MAF: variants seen among roughly 807,000 people sequenced by gnomAD.
The protein encoded by MAF is MAF bZIP transcription factor.
A neutral mutation model predicts 22.0 loss-of-function variants in MAF; 10 were observed. That is an observed-to-expected ratio of 0.45 (90% CI 0.28 to 0.77). The LOEUF is 0.77. MAF is among the 30% of genes least tolerant of loss of function. The pLI is 0.12. For missense variants in MAF, 544 were observed against 548.4 expected (o/e 0.99, Z 0.08); for synonymous variants, 337 against 255.8 (o/e 1.32, Z -3.03).
the MAF span, among the ~76,000 whole-genome samples, chr16:79,284,840 G>A: frequency 6.6e-6 from 1 of 152,172 alleles, no homozygotes; most frequent in East Asian, 1.9e-4. Context: ...TCATCTCTCA[G>A]TCACCTGGAC....
chr16:79,558,097 A>C, the MAF span, among the ~76,000 whole-genome samples: 5 of 152,134 alleles, frequency 3.3e-5, no homozygotes, highest in South Asian at 1.0e-3. Context: ...GCAAACCAAC[A>C]GGAGACCATC....
chr16:79,600,397 G>T lies in MAF; in HGVS notation c.-495C>A, dbSNP rs1913962245. 1.0e-5 allele frequency: 2 copies of T among 197,316 alleles called. No homozygotes were observed. Among genetic ancestry groups the T allele is most frequent in the East Asian group, 1.9e-4 (2 of 10,706 alleles). 12.2% of individuals were successfully genotyped at this position (197,316 alleles called of 1,614,324 possible). On this transcript the variant is annotated 5_prime_UTR_variant, in exon 1 of 2. Transcript: ENST00000326043. ...CCGCTCGGGGCTGGAGGCGCGGCGG[G>T]CGTCTGTCCGGGCGGCGCGGGCCTT...
At chr16:79,226,320 G>A in the MAF span, among the ~76,000 whole-genome samples, 2 of 152,114 alleles carry the variant, frequency 1.3e-5, no homozygotes, top group Non-Finnish European at 2.9e-5. Context: ...ATAAGTGGGA[G>A]TTGAACATTG....
chr16:79,418,108 A>T, the MAF span, among the ~76,000 whole-genome samples: 7 of 152,292 alleles, frequency 4.6e-5, no homozygotes, highest in Non-Finnish European at 8.8e-5. Context: ...TGAGGAAGAA[A>T]ACAGGGACCT....
chr16:79,544,772 C>CAA, the MAF span, among the ~76,000 whole-genome samples: 22,097 of 113,358 alleles, frequency 0.19, 2,391 homozygotes, highest in East Asian at 0.44. Flanking sequence ...GGCTCTGTCT[C>CAA]AAAAAAAAAA....
At chr16:79,401,589 A>T in the MAF span, among the ~76,000 whole-genome samples, 1 of 152,182 alleles carries the variant, frequency 6.6e-6, no homozygotes, top group Non-Finnish European at 1.5e-5. Flanking sequence ...ATTAGTGGAA[A>T]TGTACTCATG....
At chr16:79,568,249 G>C in the MAF span, among the ~76,000 whole-genome samples, 1 of 152,218 alleles carries the variant, frequency 6.6e-6, no homozygotes, top group Admixed American at 6.5e-5. Context: ...GTCTGGCAGG[G>C]ATGGGTGTCT....
the MAF span, among the ~76,000 whole-genome samples, chr16:79,242,643 A>T: frequency 6.6e-6 from 1 of 151,978 alleles, no homozygotes; most frequent in African/African-American, 2.4e-5. Flanking sequence ...GAGACAGATC[A>T]ATGAGACAGA....
the MAF span, among the ~76,000 whole-genome samples, chr16:79,555,917 G>T: frequency 6.6e-6 from 1 of 152,126 alleles, no homozygotes; most frequent in Non-Finnish European, 1.5e-5. Context: ...AGATAACATA[G>T]ATGTAGATAA....
At chr16:79,502,720 T>A in the MAF span, among the ~76,000 whole-genome samples, 102 of 23,502 alleles carry the variant, frequency 4.3e-3, 1 homozygote, top group African/African-American at 9.3e-3. Context: ...TATATATATA[T>A]ATATATATAT....
the MAF span, among the ~76,000 whole-genome samples, chr16:79,483,606 T>G: frequency 6.6e-6 from 1 of 151,952 alleles, no homozygotes; most frequent in African/African-American, 2.4e-5. Context: ...CAATTGAGAA[T>G]GAGAATAAGT....
chr16:79,428,131 A>C, the MAF span, among the ~76,000 whole-genome samples: 2 of 145,514 alleles, frequency 1.4e-5, no homozygotes, highest in African/African-American at 5.0e-5. Context: ...TTCTGCTGTG[A>C]AGCAACTTCC....
At chr16:79,367,893 G>T in the MAF span, among the ~76,000 whole-genome samples, 48 of 152,178 alleles carry the variant, frequency 3.2e-4, no homozygotes, top group Non-Finnish European at 4.0e-4. Flanking sequence ...TGGTCCTTCA[G>T]ATCTCACAGG....
chr16:79,560,523 G>C, the MAF span, among the ~76,000 whole-genome samples: 1 of 151,908 alleles, frequency 6.6e-6, no homozygotes, highest in Non-Finnish European at 1.5e-5. Context: ...ATGATGCAAT[G>C]GTTTGCTGAC....
the MAF span, among the ~76,000 whole-genome samples, chr16:79,470,595 T>C: frequency 2.0e-5 from 3 of 152,336 alleles, no homozygotes; most frequent in Non-Finnish European, 4.4e-5. Flanking sequence ...CATATTTTAT[T>C]TAGTTCTCAT....
At chr16:79,461,946 G>T in the MAF span, among the ~76,000 whole-genome samples, 2 of 152,060 alleles carry the variant, frequency 1.3e-5, no homozygotes, top group African/African-American at 2.4e-5. Context: ...AGGACAACAG[G>T]GCAGAAGCCC....
chr16:79,532,438 G>A, the MAF span, among the ~76,000 whole-genome samples: 1 of 152,164 alleles, frequency 6.6e-6, no homozygotes, highest in African/African-American at 2.4e-5. Context: ...GTAAGAAGCT[G>A]GTACATTTCA....
At chr16:79,464,252 G>A in the MAF span, among the ~76,000 whole-genome samples, 1 of 152,170 alleles carries the variant, frequency 6.6e-6, no homozygotes, top group South Asian at 2.1e-4. Context: ...GATGACTCCA[G>A]AGGCCAGACA....
chr16:79,229,992 T>C, the MAF span, among the ~76,000 whole-genome samples: 1 of 149,048 alleles, frequency 6.7e-6, no homozygotes, highest in Non-Finnish European at 1.5e-5. Flanking sequence ...TGCAGGATAG[T>C]TGCTTACAGA....
Sources: gnomAD v4.1 joint callset for allele counts (sites outside exome capture counted in the v4.1 genomes callset) on GRCh38, gnomAD v4.1.1 for gene constraint, MANE v1.5 for transcripts, NCBI Gene and HGNC (gene_info 2026-07-23, HGNC 2026-07-21) for gene names.